MACROD2: variants seen among roughly 807,000 people sequenced by gnomAD.
The protein encoded by MACROD2 is mono-ADP ribosylhydrolase 2.
A neutral mutation model predicts 70.4 loss-of-function variants in MACROD2; 36 were observed. That is an observed-to-expected ratio of 0.51 (90% CI 0.39 to 0.68). The LOEUF is 0.68. Ranked by LOEUF, MACROD2 falls within the 30% of genes least tolerant of loss-of-function variation. The pLI is 0.00. For synonymous variants in MACROD2, 172 were observed against 178.8 expected, an observed-to-expected ratio of 0.96 and a Z score of 0.30; for missense variants, 496 against 538.4, an observed-to-expected ratio of 0.92 and a Z score of 0.78.
intron 5 of MACROD2, among the ~76,000 whole-genome samples, chr20:14,865,887 A>G (rs2073422799): frequency 6.6e-6 from 1 of 152,126 alleles, no homozygotes; most frequent in Admixed American, 6.6e-5. Context: ...ATTTGTAGCA[A>G]GTTCTCAAAA....
chr20:15,145,226 G>T (rs412032), intron 5 of MACROD2, among the ~76,000 whole-genome samples: 89,640 of 151,966 alleles, frequency 0.59, 26,567 homozygotes, highest in East Asian at 0.65. Context: ...TCCTCATACT[G>T]ATTTGGTGGT....
chr20:14,120,236 AAG>A (rs1234923402), intron 3 of MACROD2, among the ~76,000 whole-genome samples: 17 of 136,494 alleles, frequency 1.2e-4, no homozygotes, highest in African/African-American at 4.0e-4. Context: ...AAAAAAAAAG[AAG>A]AAGACATTTA....
intron 3 of MACROD2, among the ~76,000 whole-genome samples, chr20:14,177,056 T>C (rs1490670115): frequency 1.3e-5 from 2 of 152,202 alleles, no homozygotes; most frequent in African/African-American, 4.8e-5. Context: ...TTCCCCTCTT[T>C]GTATACAAAC....
intron 8 of MACROD2, among the ~76,000 whole-genome samples, chr20:15,570,986 A>T (rs757039134): frequency 6.6e-6 from 1 of 152,204 alleles, no homozygotes; most frequent in Non-Finnish European, 1.5e-5. Context: ...TCAATTATTT[A>T]ACCTTAGTAT....
chr20:15,785,905 A>G (rs1052040673), intron 8 of MACROD2, among the ~76,000 whole-genome samples: 11 of 152,222 alleles, frequency 7.2e-5, no homozygotes, highest in Non-Finnish European at 1.3e-4. Context: ...AAGCAGATGG[A>G]CATCATATAT....
chr20:15,519,462 G>A lies in MACROD2; in HGVS notation c.645+19615G>A, dbSNP rs189457862. On this transcript the variant is annotated intron_variant, in intron 8 of 17. Transcript: ENST00000684519. ...TCTTATAAATGAGGAAACTGAGGCA[G>A]ATAGTCTTGTTTGAAATACACTGCC... 3.3e-5 allele frequency among the ~76,000 whole-genome samples: 5 copies of A among 152,302 alleles called. No homozygotes were observed. In the East Asian group the frequency reaches 9.6e-4, roughly 29 times the overall value.
chr20:15,523,785 G>A (rs1324816562), intron 8 of MACROD2, among the ~76,000 whole-genome samples: 1 of 152,200 alleles, frequency 6.6e-6, no homozygotes, highest in African/African-American at 2.4e-5. Context: ...TCTCCATAGA[G>A]AGGTGGTTTC....
At chr20:14,945,491 C>T (rs2074424432) in intron 5 of MACROD2, among the ~76,000 whole-genome samples, 2 of 152,152 alleles carry the variant, frequency 1.3e-5, no homozygotes, top group South Asian at 4.1e-4. Context: ...TGTGATTGTC[C>T]ACTTCACCAG....
At chr20:16,018,400 A>G (rs1261862289) in intron 15 of MACROD2, among the ~76,000 whole-genome samples, 2 of 152,166 alleles carry the variant, frequency 1.3e-5, no homozygotes, top group South Asian at 2.1e-4. Flanking sequence ...TTTGACTACC[A>G]AAGCATACTC....
At chr20:15,618,095 C>CTTTTTTT (rs398035424) in intron 8 of MACROD2, among the ~76,000 whole-genome samples, 6 of 70,836 alleles carry the variant, frequency 8.5e-5, no homozygotes, top group Non-Finnish European at 1.5e-4. Flanking sequence ...CATCATTAGT[C>CTTTTTTT]TTTTTTTTTT....
At chr20:14,246,100 G>T (rs1601395658) in intron 3 of MACROD2, among the ~76,000 whole-genome samples, 1 of 152,166 alleles carries the variant, frequency 6.6e-6, no homozygotes, top group Admixed American at 6.5e-5. Flanking sequence ...AAGGCCACAT[G>T]AAATTAATCT....
chr20:15,016,439 G>A (rs1160206779), intron 5 of MACROD2, among the ~76,000 whole-genome samples: 2 of 151,920 alleles, frequency 1.3e-5, no homozygotes, highest in African/African-American at 4.8e-5. Flanking sequence ...TCTCATGTTG[G>A]AATGTGATCG....
intron 3 of MACROD2, among the ~76,000 whole-genome samples, chr20:14,249,135 T>TA (rs2081990504): frequency 6.7e-6 from 1 of 149,216 alleles, no homozygotes; most frequent in African/African-American, 2.5e-5. Context: ...AAGGTTTTTT[T>TA]TTTTTTTTTT....
chr20:15,830,260 A>G (rs1326159200), intron 8 of MACROD2, among the ~76,000 whole-genome samples: 1 of 152,238 alleles, frequency 6.6e-6, no homozygotes, highest in Non-Finnish European at 1.5e-5. Context: ...GAGCAAGAAG[A>G]GGCATCCACA....
At chr20:15,586,813 T>C (rs1600634429) in intron 8 of MACROD2, among the ~76,000 whole-genome samples, 1 of 152,096 alleles carries the variant, frequency 6.6e-6, no homozygotes, top group East Asian at 1.9e-4. Context: ...AAAGAGAATA[T>C]ATAGTGGAAA....
chr20:14,035,059 C>T (rs1357620612), intron 2 of MACROD2, among the ~76,000 whole-genome samples: 3 of 152,056 alleles, frequency 2.0e-5, no homozygotes, highest in Non-Finnish European at 4.4e-5. Context: ...GGTTATTGCT[C>T]AGTTATAGGT....
At chr20:15,172,685 G>A (rs1461953647) in intron 5 of MACROD2, among the ~76,000 whole-genome samples, 1 of 152,148 alleles carries the variant, frequency 6.6e-6, no homozygotes, top group African/African-American at 2.4e-5. Flanking sequence ...TCTTACATTA[G>A]AGGCGTGAGC....
intron 8 of MACROD2, chr20:15,619,567 A>G (rs191131751): frequency 9.2e-5 from 40 of 435,234 alleles, no homozygotes; most frequent in Admixed American, 2.4e-4. Context: ...GTCACCAGTC[A>G]TCAGGTTCTT....
intron 7 of MACROD2, among the ~76,000 whole-genome samples, chr20:15,469,161 T>A (rs544412164): frequency 2.6e-5 from 4 of 152,178 alleles, no homozygotes; most frequent in Non-Finnish European, 5.9e-5. Context: ...AAGTAATACA[T>A]GGTCCTGATC....
Sources: gnomAD v4.1 joint callset for allele counts (sites outside exome capture counted in the v4.1 genomes callset) on GRCh38, gnomAD v4.1.1 for gene constraint, MANE v1.5 for transcripts, NCBI Gene and HGNC (gene_info 2026-07-23, HGNC 2026-07-21) for gene names.